FDFT1: variants seen among roughly 807,000 people sequenced by gnomAD.
The protein encoded by FDFT1 is farnesyl-diphosphate farnesyltransferase 1, also known as squalene synthase.
In FDFT1, 68 loss-of-function variants were observed where a neutral mutation model predicts 46.8. The ratio of observed to expected loss-of-function variants is 1.45; its 90% CI spans 1.19 to 1.78. The LOEUF (loss-of-function observed/expected upper bound fraction) is 1.78. Among genes scored for constraint, FDFT1 ranks in the 40% most tolerant of loss-of-function variants. The pLI, the probability that FDFT1 is intolerant of heterozygous loss-of-function variation, is 0.00. For missense variants in FDFT1, 928 were observed against 524.4 expected, an observed-to-expected ratio of 1.77 and a Z score of -7.52; for synonymous variants, 351 against 185.1, an observed-to-expected ratio of 1.90 and a Z score of -7.28.
At chr8:11,824,957 G>A (rs1281528792) in intron 4 of FDFT1, among the ~76,000 whole-genome samples, 1 of 151,990 alleles carries the variant, frequency 6.6e-6, no homozygotes, top group Admixed American at 6.5e-5. Flanking sequence ...GGATGGTCTT[G>A]ATCTCCTGAT....
intron 7 of FDFT1, among the ~76,000 whole-genome samples, chr8:11,833,712 C>G (rs1586007638): frequency 6.6e-6 from 1 of 152,166 alleles, no homozygotes; most frequent in Admixed American, 6.5e-5. Context: ...TCTGTGGCTG[C>G]TTTTGCAATG....
intron 3 of FDFT1, 103 bp from the exon 4 acceptor site, chr8:11,821,647 C>T (rs1809262454): frequency 8.3e-6 from 11 of 1,331,422 alleles, no homozygotes; most frequent in Non-Finnish European, 1.2e-5. Flanking sequence ...TATAGATGAA[C>T]CATTGCAGTC....
intron 1 of FDFT1, among the ~76,000 whole-genome samples, chr8:11,805,754 A>T (rs1225115400): frequency 1.3e-5 from 2 of 152,206 alleles, no homozygotes; most frequent in Admixed American, 6.5e-5. Context: ...TTTGCTAAAG[A>T]AATAATTATG....
At chr8:11,803,148 G>T (rs1806355657) in intron 1 of FDFT1, 1 of 1,427,840 alleles carries the variant, frequency 7.0e-7, no homozygotes, top group Non-Finnish European at 9.2e-7. Context: ...AAGCCGCCCT[G>T]GGCATGAGCG....
intron 3 of FDFT1, among the ~76,000 whole-genome samples, chr8:11,811,564 T>C (rs1350288693): frequency 6.6e-6 from 1 of 152,232 alleles, no homozygotes; most frequent in Non-Finnish European, 1.5e-5. Context: ...CCAACATGTT[T>C]GTGAAACTTC....
intron 4 of FDFT1, among the ~76,000 whole-genome samples, chr8:11,822,689 C>A (rs925107406): frequency 6.6e-6 from 1 of 152,120 alleles, no homozygotes; most frequent in East Asian, 1.9e-4. Context: ...TGGCATGTGC[C>A]TGTGGTCCCA....
At chr8:11,800,542 G>A (rs778189219), upstream of FDFT1, among the ~76,000 whole-genome samples, 81 of 152,258 alleles carry the variant, frequency 5.3e-4, no homozygotes, top group Non-Finnish European at 1.0e-3. Flanking sequence ...AACAAAGGAA[G>A]GAGGAAGTAA....
In FDFT1 at chr8:11,828,904, C is replaced by T. The variant is rs10100571; in HGVS notation, c.703-1340C>T. Among the ~76,000 whole-genome samples the T allele has an allele frequency of 1.6e-3, 239 of 152,292 alleles. 1 individual carries two copies. Among genetic ancestry groups the T allele is most frequent in the African/African-American group, 5.6e-3 (234 of 41,524 alleles). On this transcript the variant is annotated intron_variant, in intron 5 of 7. Coordinates refer to ENST00000220584, the MANE Select transcript of FDFT1 (RefSeq NM_004462.5). ...GGATAGACCACATTTATCCATTCAT[C>T]AGTTGAAGGATATTTGGGTTCTTCC...
At chr8:11,802,074 T>C, upstream of FDFT1, 5 of 455,452 alleles carry the variant, frequency 1.1e-5, no homozygotes, top group South Asian at 6.2e-5. Flanking sequence ...AGGCTTCAGC[T>C]CCTTTTTCTA....
chr8:11,820,672 C>A (rs550134227), intron 3 of FDFT1, among the ~76,000 whole-genome samples: 1 of 152,324 alleles, frequency 6.6e-6, no homozygotes, highest in African/African-American at 2.4e-5. Context: ...TGGGACCCCC[C>A]GAGCCAGGCA....
intron 6 of FDFT1, 41 bp from the exon 7 acceptor site, chr8:11,831,477 C>T: frequency 1.3e-6 from 2 of 1,576,764 alleles, no homozygotes; most frequent in Non-Finnish European, 1.7e-6. Flanking sequence ...TAGCTAACGA[C>T]ATCATTTCTT....
intron 3 of FDFT1, among the ~76,000 whole-genome samples, chr8:11,810,368 C>T (rs938911950): frequency 1.4e-4 from 21 of 152,156 alleles, no homozygotes; most frequent in African/African-American, 4.6e-4. Flanking sequence ...CTGCTGCTCA[C>T]GATGGGCAGC....
chr8:11,827,680 A>G (rs1435254325), intron 5 of FDFT1, among the ~76,000 whole-genome samples: 3 of 152,198 alleles, frequency 2.0e-5, no homozygotes, highest in African/African-American at 7.2e-5. Flanking sequence ...TCACAGGAAG[A>G]GACACACAGA....
chr8:11,798,300 T>TC (rs1252876515), upstream of FDFT1, among the ~76,000 whole-genome samples: 4 of 152,140 alleles, frequency 2.6e-5, no homozygotes, highest in Admixed American at 2.0e-4. Flanking sequence ...CCTCAAGTGA[T>TC]CCGCCTGCAT....
intron 5 of FDFT1, among the ~76,000 whole-genome samples, chr8:11,829,159 C>G (rs137880197): frequency 5.0e-4 from 76 of 152,168 alleles, no homozygotes; most frequent in African/African-American, 1.6e-3. Flanking sequence ...GTTGTTATCT[C>G]TTTTTAACTG....
At chr8:11,810,437 G>A (rs1289200435) in intron 3 of FDFT1, among the ~76,000 whole-genome samples, 4 of 152,190 alleles carry the variant, frequency 2.6e-5, no homozygotes, top group Non-Finnish European at 5.9e-5. Flanking sequence ...CACTTCACCT[G>A]TGATCCTGGG....
upstream of FDFT1, chr8:11,801,963 A>G (rs1198227658): frequency 6.6e-6 from 3 of 455,558 alleles, no homozygotes; most frequent in Middle Eastern, 1.1e-3. Flanking sequence ...TGTTGCGATT[A>G]CAGGCGTGAG....
Position 11,804,250 on chromosome 8 carries a change from C to G in FDFT1, c.99+1319C>G, listed in dbSNP as rs557553150. ...GCAAGGGATCTGAGTGCAGTCAGACCTCATTTGGGTCCAGACTTCATTCCT... is the reference window on the plus strand; with the variant it reads ...GCAAGGGATCTGAGTGCAGTCAGACGTCATTTGGGTCCAGACTTCATTCCT... On this transcript the variant is annotated intron_variant, in intron 1 of 7. Coordinates refer to ENST00000220584, the MANE Select transcript of FDFT1 (RefSeq NM_004462.5). 2.3e-3 allele frequency among the ~76,000 whole-genome samples: 343 copies of G among 152,302 alleles called. 2 individuals carry two copies. Among genetic ancestry groups the G allele is most frequent in the African/African-American group, 7.9e-3 (328 of 41,544 alleles).
At chr8:11,810,872 C>G (rs1003889847) in intron 3 of FDFT1, among the ~76,000 whole-genome samples, 6 of 135,016 alleles carry the variant, frequency 4.4e-5, no homozygotes, top group Non-Finnish European at 9.1e-5. Flanking sequence ...GCTAAGTGGA[C>G]AGAGAGTCCT....
Sources: gnomAD v4.1 joint callset for allele counts (sites outside exome capture counted in the v4.1 genomes callset) on GRCh38, gnomAD v4.1.1 for gene constraint, MANE v1.5 for transcripts, NCBI Gene and HGNC (gene_info 2026-07-23, HGNC 2026-07-21) for gene names.